CTNND2: variants seen among roughly 807,000 people sequenced by gnomAD.
CTNND2 encodes catenin delta 2, also known as catenin delta-2.
CTNND2 carries 22 observed loss-of-function variants against 144.4 expected under a neutral mutation model. That is an observed-to-expected ratio of 0.15 (90% confidence interval 0.11 to 0.22). CTNND2 has a LOEUF of 0.22. Ranked by LOEUF, CTNND2 falls within the 10% of genes least tolerant of loss-of-function variation. The pLI is 1.00. For synonymous variants in CTNND2, 751 were observed against 695.6 expected (o/e 1.08, Z -1.25); for missense variants, 1,353 against 1,618.8 (o/e 0.84, Z 2.82).
chr5:11,636,825 G>A (rs1017331946), intron 2 of CTNND2, among the ~76,000 whole-genome samples: 1 of 152,174 alleles, frequency 6.6e-6, no homozygotes, highest in East Asian at 1.9e-4. Flanking sequence ...GCATGAAGAA[G>A]GGGCAGTGGA....
intron 1 of CTNND2, among the ~76,000 whole-genome samples, chr5:11,892,918 G>C (rs745537055): frequency 3.5e-4 from 53 of 152,168 alleles, no homozygotes; most frequent in Admixed American, 1.0e-3. Flanking sequence ...ATATGAGAAA[G>C]CACTTGTAAA....
chr5:11,349,455 A>G (rs1173370648), intron 8 of CTNND2, among the ~76,000 whole-genome samples: 1 of 152,310 alleles, frequency 6.6e-6, no homozygotes, highest in African/African-American at 2.4e-5. Flanking sequence ...ACTAGCCGGC[A>G]GTCAGCTGAT....
chr5:11,686,797 A>G (rs938030517), intron 2 of CTNND2, among the ~76,000 whole-genome samples: 4 of 148,422 alleles, frequency 2.7e-5, no homozygotes, highest in African/African-American at 7.3e-5. Flanking sequence ...TATAATACAC[A>G]TAATATAAAT....
chr5:11,454,892 G>A (rs957289925), intron 3 of CTNND2, among the ~76,000 whole-genome samples: 15 of 151,176 alleles, frequency 9.9e-5, no homozygotes, highest in East Asian at 5.8e-4. Context: ...GTGAGCCACC[G>A]CGCCTGGCTT....
chr5:10,992,534 C>T lies in CTNND2; in HGVS notation c.3211+17G>A. The T allele has an allele frequency of 6.2e-7, 1 of 1,613,556 alleles. No individual in the cohort carries two copies. Among genetic ancestry groups the T allele is most frequent in the South Asian group, 1.1e-5 (1 of 91,068 alleles). ...CGAGAAATAAAGCCTGGCTGGCTAG[C>T]CACGGCAGCCTCTTACCTGAGCGGT... On this transcript the variant is annotated intron_variant, in intron 19 of 21. Transcript: ENST00000304623.
chr5:11,567,161 A>AT (rs145382585), intron 2 of CTNND2, among the ~76,000 whole-genome samples: 2,510 of 149,082 alleles, frequency 0.017, 28 homozygotes, highest in East Asian at 0.031. Flanking sequence ...GTATTTTTTT[A>AT]TTTTTTTTTT....
intron 1 of CTNND2, among the ~76,000 whole-genome samples, chr5:11,845,950 A>T (rs1465145071): frequency 1.3e-5 from 2 of 152,208 alleles, no homozygotes; most frequent in Non-Finnish European, 2.9e-5. Context: ...GAGAAAGAGA[A>T]ACTTTGATTT....
At chr5:11,228,905 A>G (rs1389218836) in intron 10 of CTNND2, among the ~76,000 whole-genome samples, 1 of 152,162 alleles carries the variant, frequency 6.6e-6, no homozygotes, top group Non-Finnish European at 1.5e-5. Flanking sequence ...TAAAAACAAA[A>G]ATGTTTTATA....
intron 2 of CTNND2, among the ~76,000 whole-genome samples, chr5:11,682,849 C>T (rs928064084): frequency 1.3e-5 from 2 of 152,074 alleles, no homozygotes; most frequent in Admixed American, 6.6e-5. Flanking sequence ...AAAACAGAAA[C>T]AATGAAATTC....
At chr5:11,839,442 T>A (rs548662732) in intron 1 of CTNND2, among the ~76,000 whole-genome samples, 11 of 144,586 alleles carry the variant, frequency 7.6e-5, no homozygotes, top group African/African-American at 3.1e-4. Context: ...ACAATGACAA[T>A]TTTTTTTTTA....
intron 1 of CTNND2, among the ~76,000 whole-genome samples, chr5:11,787,831 A>G (rs528651789): frequency 6.6e-6 from 1 of 152,298 alleles, no homozygotes; most frequent in East Asian, 1.9e-4. Context: ...GAATTTTTCT[A>G]TTCCCTAGTG....
In CTNND2 at chr5:11,288,849, G is replaced by GA. The variant is rs35624065; in HGVS notation, c.1629-52027dup. Among the ~76,000 whole-genome samples the GA allele has an allele frequency of 1.8e-3, 265 of 146,090 alleles. 1 individual carries two copies. The highest frequency in any genetic ancestry group is 0.01 in the Middle Eastern group (3 of 290). On this transcript the variant is annotated intron_variant, in intron 9 of 21. Coordinates refer to ENST00000304623, the MANE Select transcript of CTNND2 (RefSeq NM_001332.4). ...AAAGAAAAAAAAGAAAACCAAAAAGGAAAAAAAAAAAGAAAACCAAAAGAG... is the reference window on the plus strand; with the variant it reads ...AAAGAAAAAAAAGAAAACCAAAAAGGAAAAAAAAAAAAGAAAACCAAAAGAG...
At chr5:11,644,186 A>G (rs1389691748) in intron 2 of CTNND2, among the ~76,000 whole-genome samples, 3 of 152,024 alleles carry the variant, frequency 2.0e-5, no homozygotes, top group African/African-American at 4.8e-5. Context: ...AGAAAAAGTG[A>G]AAAAAAACCT....
At chr5:11,212,653 C>T (rs1388000148) in intron 10 of CTNND2, among the ~76,000 whole-genome samples, 3 of 152,200 alleles carry the variant, frequency 2.0e-5, no homozygotes, top group African/African-American at 4.8e-5. Context: ...AATGTAAGAG[C>T]GTGGCACGTT....
At chr5:11,875,448 T>G (rs920861196) in intron 1 of CTNND2, among the ~76,000 whole-genome samples, 1 of 152,208 alleles carries the variant, frequency 6.6e-6, no homozygotes, top group Non-Finnish European at 1.5e-5. Flanking sequence ...TATAATGGAC[T>G]GAATCTTTGT....
At chr5:11,187,829 G>A (rs181139904) in intron 11 of CTNND2, among the ~76,000 whole-genome samples, 3 of 152,306 alleles carry the variant, frequency 2.0e-5, no homozygotes, top group African/African-American at 4.8e-5. Flanking sequence ...AGACATTCAT[G>A]CAGCCAACAA....
At chr5:11,052,325 C>T (rs539889997) in intron 16 of CTNND2, among the ~76,000 whole-genome samples, 4 of 152,196 alleles carry the variant, frequency 2.6e-5, no homozygotes, top group African/African-American at 9.6e-5. Flanking sequence ...CCCAATACTC[C>T]CCTGACACAC....
intron 9 of CTNND2, among the ~76,000 whole-genome samples, chr5:11,252,867 G>A (rs1303891332): frequency 1.3e-5 from 2 of 152,166 alleles, no homozygotes; most frequent in Non-Finnish European, 2.9e-5. Flanking sequence ...ATCTACTGTA[G>A]GACTAACACC....
At chr5:11,744,083 G>C (rs754432389) in intron 1 of CTNND2, among the ~76,000 whole-genome samples, 1 of 152,168 alleles carries the variant, frequency 6.6e-6, no homozygotes, top group African/African-American at 2.4e-5. Flanking sequence ...AGCAAACTGC[G>C]GTCAGTGAGG....
Sources: allele counts gnomAD v4.1 joint callset (sites outside exome capture counted in the v4.1 genomes callset), GRCh38; gene constraint gnomAD v4.1.1; transcripts MANE v1.5; gene names NCBI Gene and HGNC (gene_info 2026-07-23, HGNC 2026-07-21).